CLYBL: variants seen among roughly 807,000 people sequenced by gnomAD.
The protein encoded by CLYBL is citramalyl-CoA lyase, mitochondrial.
A neutral mutation model predicts 38.9 loss-of-function variants in CLYBL; 31 were observed. That is an observed-to-expected ratio of 0.80 (90% confidence interval 0.60 to 1.08). The LOEUF is 1.08. CLYBL is among the 50% of genes least tolerant of loss of function. The probability of loss-of-function intolerance (pLI) is 0.00; values close to 1 mark genes in which losing one functional copy is unlikely to be tolerated. For missense variants in CLYBL, 434 were observed against 411.6 expected (o/e 1.05, Z -0.47); for synonymous variants, 171 against 158.6 (o/e 1.08, Z -0.59).
At chr13:99,700,375 C>A (rs1322440345) in intron 1 of CLYBL, among the ~76,000 whole-genome samples, 1 of 152,140 alleles carries the variant, frequency 6.6e-6, no homozygotes, top group Non-Finnish European at 1.5e-5. Context: ...AACCTGGAGG[C>A]GGAGGTTGCG....
At chr13:99,785,897 T>A (rs1264151895) in intron 2 of CLYBL, among the ~76,000 whole-genome samples, 1 of 152,066 alleles carries the variant, frequency 6.6e-6, no homozygotes, top group African/African-American at 2.4e-5. Flanking sequence ...CGCTTGGCAA[T>A]AATACATTTC....
chr13:99,781,466 A>G (rs908174836), intron 2 of CLYBL, among the ~76,000 whole-genome samples: 2 of 151,250 alleles, frequency 1.3e-5, no homozygotes, highest in Non-Finnish European at 2.9e-5. Context: ...CACTGCACCC[A>G]GCCAAATTTT....
chr13:99,750,023 A>T (rs988633320), intron 1 of CLYBL, among the ~76,000 whole-genome samples: 3 of 152,196 alleles, frequency 2.0e-5, no homozygotes, highest in African/African-American at 7.2e-5. Context: ...TTAAGAGAGT[A>T]GGGAAAGATG....
intron 2 of CLYBL, among the ~76,000 whole-genome samples, chr13:99,818,260 T>C (rs1276032937): frequency 6.6e-6 from 1 of 152,164 alleles, no homozygotes; most frequent in Non-Finnish European, 1.5e-5. Context: ...GATTACACTT[T>C]GGCTGATAGC....
intron 2 of CLYBL, among the ~76,000 whole-genome samples, chr13:99,786,200 CT>C (rs199863527): frequency 0.19 from 23,404 of 122,450 alleles, 2,263 homozygotes; most frequent in East Asian, 0.38. Context: ...CTTAGCTTTC[CT>C]TTTTTTTTTT....
chr13:99,876,069 C>CTTTTTTTTTTT (rs10625169), intron 7 of CLYBL, among the ~76,000 whole-genome samples: 1 of 106,668 alleles, frequency 9.4e-6, no homozygotes, highest in Non-Finnish European at 1.8e-5. Flanking sequence ...TTCTATTTCA[C>CTTTTTTTTTTT]TTTTTTTTTT....
intron 1 of CLYBL, among the ~76,000 whole-genome samples, chr13:99,665,571 CAT>C (rs2047468714): frequency 1.3e-5 from 2 of 151,520 alleles, no homozygotes; most frequent in African/African-American, 2.4e-5. Context: ...AAAGTCTCCA[CAT>C]ATGGTCCCAA....
chr13:99,856,206 T>C (rs1479776862), intron 2 of CLYBL, among the ~76,000 whole-genome samples: 1 of 152,196 alleles, frequency 6.6e-6, no homozygotes, highest in East Asian at 1.9e-4. Context: ...GTTTAGAACA[T>C]GAGCTTTGAA....
At chr13:99,657,964 A>G (rs2047352680) in intron 1 of CLYBL, among the ~76,000 whole-genome samples, 3 of 152,248 alleles carry the variant, frequency 2.0e-5, no homozygotes, top group African/African-American at 7.2e-5. Context: ...AGTCCGGGGC[A>G]GAACCCAAGC....
chr13:99,817,678 A>AG (rs1330006656), intron 2 of CLYBL, among the ~76,000 whole-genome samples: 3 of 150,188 alleles, frequency 2.0e-5, no homozygotes, highest in Non-Finnish European at 3.0e-5. Flanking sequence ...AAAAAAGAAA[A>AG]GAAAAAAGAA....
At chr13:99,755,308 C>T (rs2049043092) in intron 1 of CLYBL, among the ~76,000 whole-genome samples, 1 of 152,194 alleles carries the variant, frequency 6.6e-6, no homozygotes, top group Non-Finnish European at 1.5e-5. Context: ...GCAGCCTTCC[C>T]TGTGGGCTCC....
chr13:99,879,474 C>T (rs936247397), intron 7 of CLYBL, among the ~76,000 whole-genome samples: 33 of 152,160 alleles, frequency 2.2e-4, no homozygotes, highest in African/African-American at 6.5e-4. Flanking sequence ...TCCGTGTAAG[C>T]CAAGCTCTGG....
intron 2 of CLYBL, among the ~76,000 whole-genome samples, chr13:99,810,545 A>T (rs552721707): frequency 6.6e-6 from 1 of 152,200 alleles, no homozygotes; most frequent in Admixed American, 6.5e-5. Flanking sequence ...GCCAGAGCCC[A>T]GGGTCATGCA....
chr13:99,712,698 A>G (rs2048254090), intron 1 of CLYBL, among the ~76,000 whole-genome samples: 1 of 152,126 alleles, frequency 6.6e-6, no homozygotes, highest in South Asian at 2.1e-4. Flanking sequence ...TCTTTGACAA[A>G]GTCGTCAATA....
intron 1 of CLYBL, among the ~76,000 whole-genome samples, chr13:99,753,774 G>A (rs532181420): frequency 6.6e-5 from 10 of 152,254 alleles, no homozygotes; most frequent in African/African-American, 2.4e-4. Flanking sequence ...AGTCTGGACT[G>A]CTACTTATAT....
intron 7 of CLYBL, among the ~76,000 whole-genome samples, chr13:99,888,255 A>T (rs1353247319): frequency 8.0e-6 from 1 of 124,976 alleles, no homozygotes; most frequent in Non-Finnish European, 1.7e-5. Flanking sequence ...AATGTCTAAG[A>T]TGGTGAATTT....
chr13:99,661,348 T>C (rs2047406135), intron 1 of CLYBL, among the ~76,000 whole-genome samples: 1 of 152,200 alleles, frequency 6.6e-6, no homozygotes. Context: ...TAGTTAGACA[T>C]GAGGGTACAA....
chr13:99,627,693 A>C (rs945338223), intron 1 of CLYBL, among the ~76,000 whole-genome samples: 13 of 152,214 alleles, frequency 8.5e-5, no homozygotes, highest in Admixed American at 8.5e-4. Flanking sequence ...TTTAAAAGAG[A>C]CTAAAAAACT....
intron 1 of CLYBL, among the ~76,000 whole-genome samples, chr13:99,659,849 G>A (rs543280368): frequency 3.3e-4 from 50 of 152,290 alleles, no homozygotes; most frequent in African/African-American, 1.2e-3. Flanking sequence ...AAATAAAGCA[G>A]CATTCTCTGG....
Sources: allele counts gnomAD v4.1 joint callset (sites outside exome capture counted in the v4.1 genomes callset), GRCh38; gene constraint gnomAD v4.1.1; transcripts MANE v1.5; gene names NCBI Gene and HGNC (gene_info 2026-07-23, HGNC 2026-07-21).